The following CCER2 variants were observed in gnomAD, a reference collection of about 807,000 sequenced individuals.
CCER2 encodes coiled-coil domain-containing glutamate-rich protein 2.
Under a neutral mutation model 27.1 loss-of-function variants are expected in CCER2, and 20 were observed. The observed-to-expected ratio is 0.74, with a 90% CI of 0.52 to 1.07. CCER2 has a LOEUF of 1.07. Among genes scored for constraint, CCER2 ranks in the 50% least tolerant of loss-of-function variants. The probability of loss-of-function intolerance (pLI) is 0.00; values close to 1 mark genes in which losing one functional copy is unlikely to be tolerated. For synonymous variants in CCER2, 140 were observed against 144.3 expected, an observed-to-expected ratio of 0.97 and a Z score of 0.21; for missense variants, 351 against 344.7, an observed-to-expected ratio of 1.02 and a Z score of -0.14.
rs1248159465 is a variant in CCER2, at chr19:38,911,107, C to T, written c.191-24G>A. On this transcript the variant is annotated intron_variant, in intron 3 of 4. Coordinates refer to ENST00000571838, the MANE Select transcript of CCER2 (RefSeq NM_001243212.2). ...CTCTGGCAGAAAGGGAAAGGACACT[C>T]TCTAAGCATCCAATTGGGAAACTGA... is the stretch of plus-strand genomic sequence containing the variant. 2.1e-6 allele frequency: 3 copies of T among 1,407,624 alleles called. No individual in the cohort carries two copies. The African/African-American group carries it at 4.3e-5, about 20-fold the overall frequency. The allele number at this position is 1,407,624 out of a possible 1,614,324, so 87.2% of individuals were successfully genotyped here. A position where few individuals can be genotyped will look rare whatever the true frequency, so the allele number is the denominator to read the frequency against.
chr19:38,911,206 G>A lies in CCER2; in HGVS notation c.191-123C>T, dbSNP rs144873654. The A allele has an allele frequency of 1.1e-3, 1,141 of 1,071,142 alleles. 5 individuals are homozygous for A. In the East Asian group the frequency reaches 0.013, roughly 12 times the overall value. 66.4% of individuals were successfully genotyped at this position (1,071,142 alleles called of 1,614,324 possible). ...GTGGCGGCCGATCACCTGAGGTCAG[G>A]AGTTTGAATTGGGAAACTGAGGCCT... On this transcript the variant is annotated intron_variant, in intron 3 of 4. Transcript: ENST00000571838.
Position 38,911,839 on chromosome 19 carries a change from G to A in CCER2, c.75C>T (p.Pro25=). Residue 25 remains proline, a synonymous_variant, in exon 2 of 5, where the codon CCC becomes CCT. Coordinates refer to ENST00000571838, the MANE Select transcript of CCER2 (RefSeq NM_001243212.2). ...LLLLGAATAA[P]LAPRPSKEEL... is the part of the protein sequence containing the mutation. ...CCTCCTTGGAGGGTCTCGGTGCCAAGGGAGCAGCGGTGGCTGTGGAGAAAG... is the reference window on the plus strand; with the variant it reads ...CCTCCTTGGAGGGTCTCGGTGCCAAAGGAGCAGCGGTGGCTGTGGAGAAAG... 5 of 1,535,222 alleles carry A rather than the reference G, an allele frequency of 3.3e-6. No homozygotes were observed. The highest frequency in any genetic ancestry group is 4.4e-6 in the Non-Finnish European group (5 of 1,146,676).
In CCER2 at chr19:38,910,754, T is replaced by A. The variant is rs1339388803; in HGVS notation, c.520A>T (p.Ser174Cys). The change falls in exon 4 of 5, where the codon AGT (serine) becomes TGT (cysteine). Residue 174 changes from serine (S) to cysteine (C), a missense_variant. Ser to Cys is a moderately radical substitution (Grantham distance 112, BLOSUM62 -1). Coordinates refer to ENST00000571838, the MANE Select transcript of CCER2 (RefSeq NM_001243212.2). ...TGGAACTGGGCCGTCTCTTTGTCAC[T>A]GGCCTTCTCTGCCACCCGCTTCTGG... ...DLQKRVAEKA[S>C]DKETAQFQAE... 6.5e-7 allele frequency: 1 copy of A among 1,534,628 alleles called. No homozygotes were observed. The highest frequency in any genetic ancestry group is 8.7e-7 in the Non-Finnish European group (1 of 1,146,196).
rs1472560374 is a variant in CCER2 at position 38,910,813 on chromosome 19, A to G, written c.461T>C (p.Leu154Pro). The change falls in exon 4 of 5, where the codon CTG becomes CCG. Residue 154 changes from leucine (L) to proline (P), a missense_variant. Physicochemically the swap from Leu to Pro is moderately conservative, Grantham distance 98 (BLOSUM62 -3). Coordinates refer to ENST00000571838, the MANE Select transcript of CCER2 (RefSeq NM_001243212.2). ...TCCATTCTCTAGATGCCGCTGCCAC[A>G]GGTCCTCAAAGGTCTCCATGGGCCC... is the stretch of plus-strand genomic sequence containing the variant. Reference protein sequence around the residue: ...KRGPMETFEDLWQRHLENGGD... With the variant: ...KRGPMETFEDPWQRHLENGGD... 7.2e-6 allele frequency: 11 copies of G among 1,532,982 alleles called. No homozygotes were observed. Among genetic ancestry groups the G allele is most frequent in the Admixed American group, 2.0e-5 (1 of 50,692 alleles). 95.0% of individuals were successfully genotyped at this position (1,532,982 alleles called of 1,614,324 possible).
intron 3 of CCER2, 149 bp from the exon 4 acceptor site, chr19:38,911,232 TGAG>T (rs776566515): frequency 2.4e-5 from 21 of 866,026 alleles, no homozygotes; most frequent in African/African-American, 3.4e-5. Context: ...ACTGAGGCCT[TGAG>T]GAGTTCTGGG....
chr19:38,909,784 G>C (rs207477205), intron 4 of CCER2, among the ~76,000 whole-genome samples: 1 of 151,866 alleles, frequency 6.6e-6, no homozygotes, highest in Non-Finnish European at 1.5e-5. Flanking sequence ...ATGTTGGCCA[G>C]GCTGGTCTCG....
chr19:38,909,128 CCCT>C lies in CCER2; in HGVS notation c.*105_*107del. The stretch of plus-strand genomic sequence containing the variant: ...GGTTCCAAGGCACGTCCGCCTCCTC[CCCT>C]GTTTGGGTAGGGGTGGCGTGGGGTG... On this transcript the variant is annotated 3_prime_UTR_variant, in exon 5 of 5. Transcript: ENST00000571838. 1 of 1,230,222 alleles carries C rather than the reference CCCT, an allele frequency of 8.1e-7. No homozygotes were observed. Among genetic ancestry groups the C allele is most frequent in the African/African-American group, 1.5e-5 (1 of 67,096 alleles). 76.2% of individuals were successfully genotyped at this position (1,230,222 alleles called of 1,614,324 possible).
In CCER2 at chr19:38,911,041, T is replaced by C; in HGVS notation, c.233A>G (p.Glu78Gly). ...GAAATCCCCAAGCAGCAGGCCTTTC[T>C]CCTCGGTGGACGCACAGCCGTGGGG... ...TEPHGCASTE[E>G]KGLLLGDFKK... The change falls in exon 4 of 5, where the codon GAG becomes GGG. Residue 78 changes from glutamate (E) to glycine (G), a missense_variant. Glu to Gly is a moderately conservative substitution (Grantham distance 98). Coordinates refer to ENST00000571838, the MANE Select transcript of CCER2 (RefSeq NM_001243212.2). 1 of 1,464,692 alleles carries C rather than the reference T, an allele frequency of 6.8e-7. No homozygotes were observed. Among genetic ancestry groups the C allele is most frequent in the Non-Finnish European group, 9.0e-7 (1 of 1,114,682 alleles). 90.7% of individuals were successfully genotyped at this position (1,464,692 alleles called of 1,614,324 possible).
At chr19:38,909,613 C>T (rs140912136) in intron 4 of CCER2, among the ~76,000 whole-genome samples, 1 of 152,280 alleles carries the variant, frequency 6.6e-6, no homozygotes, top group African/African-American at 2.4e-5. Flanking sequence ...CGCTCTGTCA[C>T]CCAGGCTGGG....
intron 4 of CCER2, among the ~76,000 whole-genome samples, chr19:38,910,221 C>A (rs1974276741): frequency 6.6e-6 from 1 of 152,176 alleles, no homozygotes; most frequent in African/African-American, 2.4e-5. Context: ...ATGGTGACAT[C>A]TTGTTTTCCA....
rs934232787 is a variant in CCER2, at chr19:38,909,218, G to T, written c.*18C>A. On this transcript the variant is annotated 3_prime_UTR_variant, in exon 5 of 5. Transcript: ENST00000571838. ...AGCCACAGGGTGTGTCAGGAGGAAG[G>T]AGGGACTGAGGTAGGGGTCAGCCCT... 1 of 1,534,850 alleles carries T rather than the reference G, an allele frequency of 6.5e-7. No homozygotes were observed. Among genetic ancestry groups the T allele is most frequent in the South Asian group, 1.2e-5 (1 of 84,050 alleles).
At position 38,912,186 on chromosome 19, in the gene CCER2, T is replaced by G; in HGVS notation, c.-28A>C. On this transcript the variant is annotated 5_prime_UTR_variant, in exon 1 of 5. Transcript: ENST00000571838. ...TGGGCGTCCAACGGGTCCAAGGCGCTGTGCGGGCCAGGGTTGCAGCGCCTT... is the reference window on the plus strand; with the variant it reads ...TGGGCGTCCAACGGGTCCAAGGCGCGGTGCGGGCCAGGGTTGCAGCGCCTT... 1 of 1,448,216 alleles carries G rather than the reference T, an allele frequency of 6.9e-7. No individual in the cohort carries two copies. The highest frequency in any genetic ancestry group is 9.0e-7 in the Non-Finnish European group (1 of 1,105,646). 89.7% of individuals were successfully genotyped at this position (1,448,216 alleles called of 1,614,324 possible).
In CCER2 at chr19:38,912,126, C is replaced by A. The variant is rs755943871; in HGVS notation, c.33G>T (p.Leu11=). MPPRGPASEL[L]LLRLLLLGAA... is the part of the protein sequence containing the mutation. ...CCCCCAGCAGGAGCAGCCGCAGCAG[C>A]AGCAGCTCAGAGGCTGGCCCTCGGG... The change falls in exon 1 of 5, where the codon CTG becomes CTT. Residue 11 remains leucine, a synonymous_variant. Coordinates refer to ENST00000571838, the MANE Select transcript of CCER2 (RefSeq NM_001243212.2). 1 of 1,513,168 alleles carries A rather than the reference C, an allele frequency of 6.6e-7. No individual in the cohort carries two copies. Among genetic ancestry groups the A allele is most frequent in the South Asian group, 1.2e-5 (1 of 80,760 alleles). The allele number at this position is 1,513,168 out of a possible 1,614,324, so 93.7% of individuals were successfully genotyped here. A position where few individuals can be genotyped will look rare whatever the true frequency, so the allele number is the denominator to read the frequency against.
rs1156704474 is a variant in CCER2, at chr19:38,909,176, C to T, written c.*60G>A. 15 of 1,484,854 alleles carry T rather than the reference C, an allele frequency of 1.0e-5. No individual in the cohort carries two copies. Among genetic ancestry groups the T allele is most frequent in the African/African-American group, 8.3e-5 (6 of 72,046 alleles). 92.0% of individuals were successfully genotyped at this position (1,484,854 alleles called of 1,614,324 possible). A position where few individuals can be genotyped will look rare whatever the true frequency, so the allele number is the denominator to read the frequency against. ...GGGGTGCTAGGTGAGGTGGAGGCTT[C>T]GGGGTCAACAGTCCTAAGCCACAGG... On this transcript the variant is annotated 3_prime_UTR_variant, in exon 5 of 5. Transcript: ENST00000571838.
chr19:38,911,785 G>T, intron 2 of CCER2, 27 bp downstream of exon 2: 1 of 1,534,758 alleles, frequency 6.5e-7, no homozygotes, highest in Non-Finnish European at 8.7e-7. Context: ...GCTAGGTGAG[G>T]CAGGGCAAGG....
At position 38,911,825 on chromosome 19, in the gene CCER2, G is replaced by A. The variant is rs1242808391; in HGVS notation, c.89C>T (p.Pro30Leu). The change falls in exon 2 of 5, where the codon CCC (proline) becomes CTC (leucine). Residue 30 changes from proline to leucine, a missense_variant. Coordinates refer to ENST00000571838, the MANE Select transcript of CCER2 (RefSeq NM_001243212.2). ...AATAAPLAPR[P>L]SKEELTRCLA... is the part of the protein sequence containing the mutation. ...CACACTCCTCACCTCCTCCTTGGAGGGTCTCGGTGCCAAGGGAGCAGCGGT... is the reference window on the plus strand; with the variant it reads ...CACACTCCTCACCTCCTCCTTGGAGAGTCTCGGTGCCAAGGGAGCAGCGGT... The A allele has an allele frequency of 2.0e-6, 3 of 1,535,348 alleles. No individual in the cohort carries two copies. Among genetic ancestry groups the A allele is most frequent in the Non-Finnish European group, 2.6e-6 (3 of 1,146,680 alleles).
Position 38,909,003 on chromosome 19 carries a change from C to A in CCER2, c.*233G>T. On this transcript the variant is annotated 3_prime_UTR_variant, in exon 5 of 5. Coordinates refer to ENST00000571838, the MANE Select transcript of CCER2 (RefSeq NM_001243212.2). ...GGTGCGTTTCTTTGTGCTTTATTCA[C>A]TCAGAAGGGTTGGAGTGGGAGTGCA... The A allele has an allele frequency of 9.0e-7, 1 of 1,112,196 alleles. No homozygotes were observed. The highest frequency in any genetic ancestry group is 1.3e-6 in the Non-Finnish European group (1 of 793,610). The allele number at this position is 1,112,196 out of a possible 1,614,324, so 68.9% of individuals were successfully genotyped here.
chr19:38,911,154 C>T (rs1974301004), intron 3 of CCER2, 71 bp from the exon 4 acceptor site: 3 of 1,375,088 alleles, frequency 2.2e-6, no homozygotes, highest in South Asian at 3.5e-5. Flanking sequence ...GAGGCTCACG[C>T]CTGTAATCTC....
chr19:38,912,172 C>T lies in CCER2; in HGVS notation c.-14G>A, dbSNP rs948310134. ...TCGGGGCGGCATGGTGGGCGTCCAA[C>T]GGGTCCAAGGCGCTGTGCGGGCCAG... On this transcript the variant is annotated 5_prime_UTR_variant, in exon 1 of 5. Transcript: ENST00000571838. The T allele has an allele frequency of 8.8e-6, 13 of 1,480,772 alleles. No homozygotes were observed. Among genetic ancestry groups the T allele is most frequent in the African/African-American group, 8.4e-5 (6 of 71,116 alleles). 91.7% of individuals were successfully genotyped at this position (1,480,772 alleles called of 1,614,324 possible).
Sources: allele counts gnomAD v4.1 joint callset (sites outside exome capture counted in the v4.1 genomes callset), GRCh38; gene constraint gnomAD v4.1.1; transcripts MANE v1.5; gene names NCBI Gene and HGNC (gene_info 2026-07-23, HGNC 2026-07-21).